MND1: variants seen among roughly 807,000 people sequenced by gnomAD.
MND1 encodes the protein meiotic nuclear division protein 1 homolog.
In MND1, 28 loss-of-function variants were observed where a neutral mutation model predicts 35.1. The ratio of observed to expected loss-of-function variants is 0.80; its 90% CI spans 0.59 to 1.09. The LOEUF is 1.09. Ranked by LOEUF, MND1 falls within the 50% of genes least tolerant of loss-of-function variation. The probability of loss-of-function intolerance (pLI) is 0.00; values close to 1 mark genes in which losing one functional copy is unlikely to be tolerated. For missense variants in MND1, 213 were observed against 239.6 expected (o/e 0.89, Z 0.73); for synonymous variants, 69 against 70.5 (o/e 0.98, Z 0.11).
chr4:153,375,463 T>G (rs1376116003), intron 4 of MND1, among the ~76,000 whole-genome samples: 1 of 152,134 alleles, frequency 6.6e-6, no homozygotes, highest in Admixed American at 6.6e-5. Context: ...CCATAATCCT[T>G]GTTTGTAACC....
intron 6 of MND1, among the ~76,000 whole-genome samples, chr4:153,404,788 GTTCT>G (rs1729449123): frequency 1.3e-5 from 2 of 152,034 alleles, no homozygotes; most frequent in Non-Finnish European, 2.9e-5. Flanking sequence ...CCAAAAATTC[GTTCT>G]TTAAGCGGAT....
chr4:153,393,214 A>G (rs779616694), intron 4 of MND1, among the ~76,000 whole-genome samples: 29 of 152,192 alleles, frequency 1.9e-4, no homozygotes, highest in Non-Finnish European at 3.7e-4. Flanking sequence ...TAACTATGCA[A>G]TTCTTTGTAA....
At chr4:153,386,050 G>T (rs1238470944) in intron 4 of MND1, among the ~76,000 whole-genome samples, 1 of 152,182 alleles carries the variant, frequency 6.6e-6, no homozygotes, top group Non-Finnish European at 1.5e-5. Flanking sequence ...CATCTTGCGT[G>T]GGATTTTGAT....
chr4:153,367,146 T>C (rs1773657679), intron 4 of MND1, among the ~76,000 whole-genome samples: 1 of 152,238 alleles, frequency 6.6e-6, no homozygotes, highest in South Asian at 2.1e-4. Flanking sequence ...TGCTGAGATA[T>C]AGTTTATATA....
intron 2 of MND1, 146 bp from the exon 3 acceptor site, chr4:153,355,508 C>T (rs926728345): frequency 1.1e-5 from 6 of 569,722 alleles, no homozygotes; most frequent in Non-Finnish European, 1.9e-5. Context: ...CATCATAACA[C>T]ATTGTATACC....
rs138068516 is a variant in MND1 at position 153,406,099 on chromosome 4, C to T, written c.467-2872C>T. Among the ~76,000 whole-genome samples the T allele has an allele frequency of 2.6e-3, 394 of 152,202 alleles. 1 individual carries two copies. The highest frequency in any genetic ancestry group is 7.7e-3 in the South Asian group (37 of 4,816). On this transcript the variant is annotated intron_variant, in intron 6 of 7. Coordinates refer to ENST00000240488, the MANE Select transcript of MND1 (RefSeq NM_032117.4). ...ACAGGCGTGAGCCACTGTGCCAGGC[C>T]GGATTTATATTTCTTTATCCTTGGG...
intron 6 of MND1, among the ~76,000 whole-genome samples, chr4:153,402,003 C>G (rs1729357880): frequency 6.6e-6 from 1 of 151,974 alleles, no homozygotes; most frequent in Non-Finnish European, 1.5e-5. Context: ...AAAAATACAA[C>G]AATTAGCCAG....
At chr4:153,384,693 A>G (rs1728806116) in intron 4 of MND1, among the ~76,000 whole-genome samples, 1 of 151,826 alleles carries the variant, frequency 6.6e-6, no homozygotes, top group African/African-American at 2.4e-5. Context: ...TCACATTGTA[A>G]TTGATTGTGG....
At chr4:153,379,073 G>A (rs1171693606) in intron 4 of MND1, among the ~76,000 whole-genome samples, 1 of 152,038 alleles carries the variant, frequency 6.6e-6, no homozygotes, top group Non-Finnish European at 1.5e-5. Flanking sequence ...TGGATCACAA[G>A]GTCAGGGGAC....
chr4:153,379,191 G>A (rs1182456057), intron 4 of MND1, among the ~76,000 whole-genome samples: 3 of 151,400 alleles, frequency 2.0e-5, no homozygotes, highest in Admixed American at 6.6e-5. Context: ...TCGGAAGGCT[G>A]AGGTAGGAGA....
At chr4:153,350,310 A>G (rs937076835) in intron 2 of MND1, among the ~76,000 whole-genome samples, 181 bp downstream of exon 2, 1 of 152,078 alleles carries the variant, frequency 6.6e-6, no homozygotes, top group Non-Finnish European at 1.5e-5. Flanking sequence ...ACCATATCCC[A>G]CTGTTGGTAG....
At chr4:153,399,221 A>G (rs1385038009) in intron 6 of MND1, among the ~76,000 whole-genome samples, 8 of 151,926 alleles carry the variant, frequency 5.3e-5, no homozygotes, top group Non-Finnish European at 1.2e-4. Flanking sequence ...ATTCTCTTAT[A>G]TGTCTAGGAC....
intron 6 of MND1, among the ~76,000 whole-genome samples, chr4:153,408,585 T>C (rs997810954): frequency 2.6e-5 from 4 of 152,168 alleles, no homozygotes; most frequent in Non-Finnish European, 4.4e-5. Context: ...GTAAAATTCT[T>C]ATCGTTAAAT....
intron 4 of MND1, among the ~76,000 whole-genome samples, chr4:153,389,506 G>A (rs901722195): frequency 6.6e-5 from 10 of 152,172 alleles, no homozygotes; most frequent in South Asian, 2.1e-4. Context: ...GATTACAGGC[G>A]TATGCCACCA....
At position 153,403,922 on chromosome 4, in the gene MND1, T is replaced by G. The variant is rs1579953901; in HGVS notation, c.467-5049T>G. ...CTGGAACTACAAGCACATGCTACCA[T>G]GCTGAGCTAATTTTTGTAGAGACAG... is the stretch of plus-strand genomic sequence containing the variant. On this transcript the variant is annotated intron_variant, in intron 6 of 7. Coordinates refer to ENST00000240488, the MANE Select transcript of MND1 (RefSeq NM_032117.4). Among the ~76,000 whole-genome samples the G allele has an allele frequency of 2.6e-5, 4 of 152,064 alleles. No individual in the cohort carries two copies. In the South Asian group the frequency reaches 6.2e-4, roughly 24 times the overall value.
upstream of MND1, chr4:153,344,667 A>T: frequency 7.2e-7 from 1 of 1,397,014 alleles, no homozygotes. Context: ...CCAAAATCAA[A>T]CGCGTCCTGG....
At chr4:153,363,534 A>G (rs1178702768) in intron 4 of MND1, among the ~76,000 whole-genome samples, 5 of 152,150 alleles carry the variant, frequency 3.3e-5, no homozygotes, top group East Asian at 3.8e-4. Context: ...TTTATTCATC[A>G]TTCAAAAAAT....
chr4:153,355,518 C>G, intron 2 of MND1, 136 bp from the exon 3 acceptor site: 1 of 605,374 alleles, frequency 1.7e-6, no homozygotes, highest in Non-Finnish European at 3.0e-6. Context: ...CATTGTATAC[C>G]TATATCAAAA....
chr4:153,400,665 T>TC (rs1334124914), intron 6 of MND1, among the ~76,000 whole-genome samples: 3 of 152,102 alleles, frequency 2.0e-5, no homozygotes, highest in African/African-American at 7.2e-5. Context: ...TGAGCTATGG[T>TC]CGTGCCACTA....
Sources: gnomAD v4.1 joint callset for allele counts (sites outside exome capture counted in the v4.1 genomes callset) on GRCh38, gnomAD v4.1.1 for gene constraint, MANE v1.5 for transcripts, NCBI Gene and HGNC (gene_info 2026-07-23, HGNC 2026-07-21) for gene names.